The following PRKCH variants were observed in gnomAD, a reference collection of about 807,000 sequenced individuals.
The protein encoded by PRKCH is protein kinase C eta type.
In PRKCH, 28 loss-of-function variants were observed where a neutral mutation model predicts 82.5. The observed-to-expected ratio is 0.34, with a 90% CI of 0.25 to 0.47. The LOEUF (loss-of-function observed/expected upper bound fraction) is 0.47. PRKCH is among the 20% of genes least tolerant of loss of function. PRKCH has a pLI of 1.00. For synonymous variants in PRKCH, 322 were observed against 327.4 expected (o/e 0.98, Z 0.18); for missense variants, 705 against 881.8 (o/e 0.80, Z 2.54).
intron 10 of PRKCH, chr14:61,492,403 G>T (rs979496605): frequency 2.6e-5 from 4 of 152,190 alleles, no homozygotes; most frequent in Non-Finnish European, 5.9e-5. Flanking sequence ...GTTGCTAAGG[G>T]CCAAGTTATC....
intron 1 of PRKCH, among the ~76,000 whole-genome samples, chr14:61,190,774 C>T (rs1344501715): frequency 2.0e-5 from 3 of 152,148 alleles, no homozygotes; most frequent in African/African-American, 7.2e-5. Flanking sequence ...CTCTCTTCCC[C>T]GATGGACTCC....
chr14:61,382,720 G>C (rs1256934903), intron 1 of PRKCH, among the ~76,000 whole-genome samples: 4 of 152,186 alleles, frequency 2.6e-5, no homozygotes, highest in Non-Finnish European at 5.9e-5. Flanking sequence ...AGCCCATAGA[G>C]TCTAGATGAA....
chr14:61,348,642 G>C (rs969064127), intron 1 of PRKCH, among the ~76,000 whole-genome samples: 2 of 152,228 alleles, frequency 1.3e-5, no homozygotes, highest in Non-Finnish European at 2.9e-5. Flanking sequence ...TCTGTGACCT[G>C]TTCCGCTTCC....
At chr14:61,302,529 G>A in intron 1 of PRKCH, among the ~76,000 whole-genome samples, 1 of 152,064 alleles carries the variant, frequency 6.6e-6, no homozygotes, top group East Asian at 1.9e-4. Flanking sequence ...ATTTTGGGGG[G>A]TAGGTTTGCA....
chr14:61,502,762 A>T (rs1886973846), intron 10 of PRKCH, among the ~76,000 whole-genome samples: 1 of 152,128 alleles, frequency 6.6e-6, no homozygotes, highest in African/African-American at 2.4e-5. Context: ...CAAATCTTGC[A>T]AATGAAGCAA....
chr14:61,442,966 A>G (rs1884047646), intron 2 of PRKCH, 145 bp from the exon 3 acceptor site: 1 of 745,662 alleles, frequency 1.3e-6, no homozygotes, highest in Non-Finnish European at 2.1e-6. Flanking sequence ...AGGAAGCCAT[A>G]ATGATTTTAG....
chr14:61,410,670 T>G (rs1236472583), intron 2 of PRKCH, among the ~76,000 whole-genome samples: 6 of 152,246 alleles, frequency 3.9e-5, no homozygotes, highest in Non-Finnish European at 8.8e-5. Context: ...TATTGGATGC[T>G]CTTTTTCCCT....
intron 9 of PRKCH, among the ~76,000 whole-genome samples, chr14:61,466,771 C>G (rs756205141): frequency 6.6e-6 from 1 of 152,102 alleles, no homozygotes; most frequent in Non-Finnish European, 1.5e-5. Context: ...CAGGACGCTC[C>G]GATGCCGGTC....
At chr14:61,445,779 A>G (rs1884190943) in intron 4 of PRKCH, 53 bp downstream of exon 4, 1 of 1,524,340 alleles carries the variant, frequency 6.6e-7, no homozygotes, top group African/African-American at 1.4e-5. Context: ...GTTAAAAGAA[A>G]TGATTATACC....
At position 61,542,823 on chromosome 14, in the gene PRKCH, A is replaced by C. The variant is rs188537726; in HGVS notation, c.1762-4920A>C. On this transcript the variant is annotated intron_variant, in intron 12 of 13. Transcript: ENST00000332981. ...CAAAAGAATTATGCTGCCACTGTTC[A>C]CAGCGGTGGGAACAGAGTGTTTAGG... 1.2e-4 allele frequency among the ~76,000 whole-genome samples: 18 copies of C among 152,362 alleles called. No homozygotes were observed. In the East Asian group the frequency reaches 2.3e-3, roughly 20 times the overall value.
In PRKCH at chr14:61,280,279, T is replaced by A; in HGVS notation, c.-19+92611T>A. 6.2e-7 allele frequency: 1 copy of A among 1,613,822 alleles called. No homozygotes were observed. The highest frequency in any genetic ancestry group is 1.6e-4 in the Middle Eastern group (1 of 6,062). On this transcript the variant is annotated intron_variant, in intron 1 of 3. Coordinates refer to the PRKCH transcript ENST00000555185. This position sits in a 1 kb window ranked among gnomAD's most constrained non-coding sequence, Gnocchi z 5.0. ...GCCGCCGAACGCGCGCACCGGGTAG[T>A]TGTAGGTGATGTTGACGCGGTAGGC...
intron 2 of PRKCH, among the ~76,000 whole-genome samples, chr14:61,397,894 G>T (rs2046809733): frequency 6.6e-6 from 1 of 152,152 alleles, no homozygotes; most frequent in African/African-American, 2.4e-5. Context: ...GCAGTGAGGG[G>T]TCTTCACTGA....
intron 1 of PRKCH, among the ~76,000 whole-genome samples, chr14:61,330,845 G>C (rs1250822105): frequency 6.6e-6 from 1 of 152,108 alleles, no homozygotes; most frequent in East Asian, 1.9e-4. Context: ...AATCATTACT[G>C]TTGCCCTAAC....
chr14:61,227,889 T>C (rs868322854), intron 1 of PRKCH, among the ~76,000 whole-genome samples: 1 of 152,184 alleles, frequency 6.6e-6, no homozygotes, highest in Non-Finnish European at 1.5e-5. Flanking sequence ...GAGTAAAATA[T>C]ATTTGAAAAC....
At chr14:61,195,900 G>C (rs2044437759) in intron 1 of PRKCH, among the ~76,000 whole-genome samples, 1 of 152,200 alleles carries the variant, frequency 6.6e-6, no homozygotes, top group Non-Finnish European at 1.5e-5. Context: ...TACTTCTGTA[G>C]AAGCACCCTG....
At chr14:61,240,841 T>C (rs1014174818) in intron 1 of PRKCH, among the ~76,000 whole-genome samples, 5 of 152,294 alleles carry the variant, frequency 3.3e-5, no homozygotes, top group East Asian at 1.9e-4. Context: ...TCTGAGGCTA[T>C]TGAGGAAAAA....
chr14:61,495,322 G>T (rs990164751), intron 10 of PRKCH, among the ~76,000 whole-genome samples: 1 of 152,192 alleles, frequency 6.6e-6, no homozygotes, highest in Non-Finnish European at 1.5e-5. Flanking sequence ...ATCAGTGAAG[G>T]CTGTGACTAT....
At chr14:61,543,621 T>C (rs982095739) in intron 12 of PRKCH, 1 of 152,230 alleles carries the variant, frequency 6.6e-6, no homozygotes, top group Non-Finnish European at 1.5e-5. Flanking sequence ...CTTTCCCTCT[T>C]GGATCACAGT....
chr14:61,199,619 ATT>A (rs10717220), intron 1 of PRKCH, among the ~76,000 whole-genome samples: 10 of 150,336 alleles, frequency 6.7e-5, no homozygotes, highest in Non-Finnish European at 1.0e-4. Context: ...TTTTTGTTTC[ATT>A]TTTTTTTTTA....
Sources: allele counts gnomAD v4.1 joint callset (sites outside exome capture counted in the v4.1 genomes callset), GRCh38; gene constraint gnomAD v4.1.1; non-coding constraint Gnocchi (gnomAD v3.1); transcripts MANE v1.5; gene names NCBI Gene and HGNC (gene_info 2026-07-23, HGNC 2026-07-21).